Variants in FSHR observed in about 807,000 individuals in gnomAD.
The protein encoded by FSHR is follicle stimulating hormone receptor.
FSHR carries 46 observed loss-of-function variants against 52.1 expected under a neutral mutation model. The observed-to-expected ratio is 0.88, with a 90% CI of 0.70 to 1.13. The LOEUF (loss-of-function observed/expected upper bound fraction) is 1.13. Ranked by LOEUF, FSHR falls within the 50% of genes most tolerant of loss-of-function variation. The pLI is 0.00. For synonymous variants in FSHR, 399 were observed against 309.6 expected (o/e 1.29, Z -3.03); for missense variants, 964 against 834.6 (o/e 1.16, Z -1.91).
At chr2:48,991,425 G>GA (rs147230540) in intron 4 of FSHR, among the ~76,000 whole-genome samples, 5,315 of 152,304 alleles carry the variant, frequency 0.035, 275 homozygotes, top group African/African-American at 0.12. Context: ...TTGGTCCTCA[G>GA]AACTGTTGAT....
chr2:49,068,890 T>G (rs1669617698), intron 1 of FSHR, among the ~76,000 whole-genome samples: 1 of 152,094 alleles, frequency 6.6e-6, no homozygotes, highest in Non-Finnish European at 1.5e-5. Flanking sequence ...CAGTAACCAC[T>G]ATGACAGTTT....
chr2:49,130,819 G>T (rs186843514), intron 1 of FSHR, among the ~76,000 whole-genome samples: 10 of 152,090 alleles, frequency 6.6e-5, no homozygotes, highest in African/African-American at 9.7e-5. Flanking sequence ...GACATTCCTC[G>T]AGGCTGGCCA....
chr2:49,122,249 G>A (rs1006094953), intron 1 of FSHR, among the ~76,000 whole-genome samples: 2 of 152,126 alleles, frequency 1.3e-5, no homozygotes, highest in African/African-American at 4.8e-5. Context: ...AGACCTACAC[G>A]GGCATATTCT....
chr2:48,982,615 T>A (rs1675301468), intron 8 of FSHR, among the ~76,000 whole-genome samples: 1 of 152,082 alleles, frequency 6.6e-6, no homozygotes. Flanking sequence ...GAATAATAGC[T>A]CCTACCACAG....
At chr2:49,093,666 C>G (rs1026783783) in intron 1 of FSHR, among the ~76,000 whole-genome samples, 6 of 148,876 alleles carry the variant, frequency 4.0e-5, no homozygotes, top group African/African-American at 1.5e-4. Flanking sequence ...ACGATCGCAG[C>G]TCGCTGCAAC....
chr2:49,088,073 G>A (rs1239180774), intron 1 of FSHR, among the ~76,000 whole-genome samples: 2 of 152,154 alleles, frequency 1.3e-5, no homozygotes, highest in Admixed American at 6.5e-5. Context: ...ATAGATGAGG[G>A]CCCTGAGCTG....
At chr2:49,121,125 A>AT (rs888741574) in intron 1 of FSHR, among the ~76,000 whole-genome samples, 6 of 152,222 alleles carry the variant, frequency 3.9e-5, no homozygotes, top group African/African-American at 1.4e-4. Flanking sequence ...CAGTGAAGTT[A>AT]TTGTGTGTTA....
intron 1 of FSHR, among the ~76,000 whole-genome samples, chr2:49,153,818 A>G (rs1396840180): frequency 6.6e-6 from 1 of 152,122 alleles, no homozygotes; most frequent in Non-Finnish European, 1.5e-5. Flanking sequence ...CTGCCTTCAA[A>G]ACGACAAAGA....
intron 4 of FSHR, among the ~76,000 whole-genome samples, chr2:49,001,337 A>G (rs1230677071): frequency 6.6e-6 from 1 of 152,172 alleles, no homozygotes; most frequent in Non-Finnish European, 1.5e-5. Flanking sequence ...AAAGTAGAAC[A>G]GATGGAACCT....
chr2:48,990,562 T>C lies in FSHR; in HGVS notation c.446+4A>G, dbSNP rs1160062406. On this transcript the variant is annotated splice_donor_region_variant and intron_variant, in intron 5 of 9. Coordinates refer to ENST00000406846, the MANE Select transcript of FSHR (RefSeq NM_000145.4). Reference sequence around the variant, plus strand: ...GTTGGTAGTCACTCAAGGAAAAAACTTACAGTAAAACTTTTTGGAGAGAAT... The same window carrying C: ...GTTGGTAGTCACTCAAGGAAAAAACCTACAGTAAAACTTTTTGGAGAGAAT... 1 of 1,598,972 alleles carries C rather than the reference T, an allele frequency of 6.3e-7. No homozygotes were observed. The highest frequency in any genetic ancestry group is 8.6e-7 in the Non-Finnish European group (1 of 1,166,286).
intron 3 of FSHR, among the ~76,000 whole-genome samples, chr2:49,018,144 G>A (rs1667556376): frequency 1.3e-5 from 2 of 152,160 alleles, no homozygotes; most frequent in African/African-American, 2.4e-5. Context: ...TTGCTTTTAA[G>A]CATGAAATCC....
At chr2:49,146,832 T>G (rs1672888367) in intron 1 of FSHR, among the ~76,000 whole-genome samples, 1 of 152,050 alleles carries the variant, frequency 6.6e-6, no homozygotes, top group Non-Finnish European at 1.5e-5. Flanking sequence ...CAGTTAAACT[T>G]TTGAGGTCCC....
intron 1 of FSHR, among the ~76,000 whole-genome samples, chr2:49,097,548 A>G (rs953342112): frequency 6.6e-6 from 1 of 152,202 alleles, no homozygotes; most frequent in Non-Finnish European, 1.5e-5. Flanking sequence ...AGAGCTAAGA[A>G]GGAATGAAGT....
intron 1 of FSHR, among the ~76,000 whole-genome samples, chr2:49,091,505 C>G (rs1216871049): frequency 6.6e-6 from 1 of 152,088 alleles, no homozygotes; most frequent in East Asian, 1.9e-4. Flanking sequence ...CCATGTTGCC[C>G]AGTCTGGTCT....
chr2:49,145,199 T>C (rs1200644624), intron 1 of FSHR, among the ~76,000 whole-genome samples: 1 of 152,178 alleles, frequency 6.6e-6, no homozygotes, highest in Non-Finnish European at 1.5e-5. Context: ...CCTTTGGTGC[T>C]CTTTTCTACC....
rs759897401 is a variant in FSHR at position 48,963,521 on chromosome 2, T to C, written c.1300A>G (p.Ile434Val). Residue 434 changes from isoleucine to valine, a missense_variant, in exon 10 of 10, where the codon ATT (isoleucine) becomes GTT (valine). Physicochemically the swap from Ile to Val is conservative, Grantham distance 29. Transcript: ENST00000406846. ...CAGCCTGCCCCAGTTTGCCAGTCAA[T>C]GGCATAGTTGTGATATTGGCTCTTG... ...HTKSQYHNYA[I>V]DWQTGAGCDA... The C allele has an allele frequency of 6.2e-7, 1 of 1,614,204 alleles. No individual in the cohort carries two copies. The highest frequency in any genetic ancestry group is 1.1e-5 in the South Asian group (1 of 91,082).
chr2:49,056,231 G>T (rs1249079882), intron 2 of FSHR, among the ~76,000 whole-genome samples: 1 of 151,592 alleles, frequency 6.6e-6, no homozygotes, highest in Non-Finnish European at 1.5e-5. Context: ...AATATATGCT[G>T]CCTACAAGAA....
intron 8 of FSHR, among the ~76,000 whole-genome samples, chr2:48,977,539 C>G (rs112481223): frequency 0.014 from 2,062 of 152,086 alleles, 41 homozygotes; most frequent in African/African-American, 0.046. Flanking sequence ...GAGGCTGTCT[C>G]CTCCCACACT....
At chr2:49,099,086 G>A (rs1223477800) in intron 1 of FSHR, among the ~76,000 whole-genome samples, 1 of 151,818 alleles carries the variant, frequency 6.6e-6, no homozygotes, top group Non-Finnish European at 1.5e-5. Context: ...TGTGATGGGT[G>A]TCTGTGGTAG....
Sources: gnomAD v4.1 joint callset for allele counts (sites outside exome capture counted in the v4.1 genomes callset) on GRCh38, gnomAD v4.1.1 for gene constraint, MANE v1.5 for transcripts, NCBI Gene and HGNC (gene_info 2026-07-23, HGNC 2026-07-21) for gene names.